The following FAM53A variants were observed in gnomAD, a reference collection of about 807,000 sequenced individuals.
The protein encoded by FAM53A is protein FAM53A.
Under a neutral mutation model 26.6 loss-of-function variants are expected in FAM53A, and 28 were observed. The ratio of observed to expected loss-of-function variants is 1.05; its 90% CI spans 0.78 to 1.45. The LOEUF (loss-of-function observed/expected upper bound fraction) is 1.45, where lower values mean the gene tolerates loss of function less well. Among genes scored for constraint, FAM53A ranks in the 40% most tolerant of loss-of-function variants. The pLI, the probability that FAM53A is intolerant of heterozygous loss-of-function variation, is 0.00. For missense variants in FAM53A, 650 were observed against 575.8 expected (o/e 1.13, Z -1.32); for synonymous variants, 290 against 253.1 (o/e 1.15, Z -1.38).
chr4:1,595,150 G>A, the FAM53A span, among the ~76,000 whole-genome samples: 15 of 152,340 alleles, frequency 9.8e-5, no homozygotes, highest in African/African-American at 2.6e-4. Context: ...CAGGGAAGCC[G>A]CAGCCACTGA....
At chr4:1,626,711 C>T (rs1461128683) in intron 1 of FAM53A, among the ~76,000 whole-genome samples, 1 of 151,828 alleles carries the variant, frequency 6.6e-6, no homozygotes, top group Non-Finnish European at 1.5e-5. Flanking sequence ...CTCTCAGCCA[C>T]AGTGATGTTT....
intron 1 of FAM53A, among the ~76,000 whole-genome samples, chr4:1,625,799 C>G (rs528803593): frequency 6.6e-6 from 1 of 151,274 alleles, no homozygotes; most frequent in Non-Finnish European, 1.5e-5. Flanking sequence ...GAAGGCCCCA[C>G]GTCCCGGCCC....
rs188575279 is a variant in FAM53A, at chr4:1,667,058, G to T, written c.75+1609C>A. Reference sequence around the variant, plus strand: ...CGGGAGAATTGCTTGAACCTGGGAGGTGGAGGTTGCAGTGAGCCGAGATTG... The same window carrying T: ...CGGGAGAATTGCTTGAACCTGGGAGTTGGAGGTTGCAGTGAGCCGAGATTG... On this transcript the variant is annotated intron_variant, in intron 2 of 4. Coordinates refer to ENST00000308132, the MANE Select transcript of FAM53A (RefSeq NM_001174070.3). 1.2e-4 allele frequency among the ~76,000 whole-genome samples: 19 copies of T among 152,044 alleles called. No homozygotes were observed. The East Asian group carries it at 3.3e-3, about 26-fold the overall frequency.
chr4:1,649,140 G>A lies in FAM53A; in HGVS notation c.882+5838C>T, dbSNP rs1025867179. Among the ~76,000 whole-genome samples the A allele has an allele frequency of 3.4e-3, 475 of 140,650 alleles. 5 individuals carry two copies. The highest frequency in any genetic ancestry group is 0.012 in the African/African-American group (454 of 38,200). The allele number at this position is 140,650 out of a possible 152,430, so 92.3% of individuals were successfully genotyped here. The stretch of plus-strand genomic sequence containing the variant: ...AAGGGAAGAGGAAGGGGAAGGGGAA[G>A]GGGAAAGGGAAGGGGAAAGGGAAGG... On this transcript the variant is annotated intron_variant, in intron 4 of 4. Coordinates refer to ENST00000308132, the MANE Select transcript of FAM53A (RefSeq NM_001174070.3).
chr4:1,623,532 T>A (rs1020445024), intron 1 of FAM53A, among the ~76,000 whole-genome samples: 1 of 152,166 alleles, frequency 6.6e-6, no homozygotes, highest in African/African-American at 2.4e-5. Context: ...GCTGCAGGGC[T>A]GCCCGCCTTC....
At chr4:1,593,680 C>G in the FAM53A span, among the ~76,000 whole-genome samples, 1 of 152,048 alleles carries the variant, frequency 6.6e-6, no homozygotes, top group African/African-American at 2.4e-5. Flanking sequence ...AATTGCAGAG[C>G]GGCTGCCGGG....
the FAM53A span, among the ~76,000 whole-genome samples, chr4:1,611,049 C>A: frequency 2.0e-5 from 3 of 152,226 alleles, no homozygotes; most frequent in East Asian, 5.8e-4. Context: ...TGCCTGGTGA[C>A]CTCCGGCAGA....
chr4:1,637,002 C>T (rs1002022985), downstream of FAM53A, among the ~76,000 whole-genome samples: 15 of 152,182 alleles, frequency 9.9e-5, 1 homozygote, highest in African/African-American at 2.9e-4. Context: ...CATGCGGCGG[C>T]GAGCACGAGA....
rs1340339004 is a variant in FAM53A, at chr4:1,655,286, C to T, written c.574G>A (p.Gly192Ser). The T allele has an allele frequency of 1.4e-6, 2 of 1,425,426 alleles. No homozygotes were observed. The highest frequency in any genetic ancestry group is 2.7e-5 in the East Asian group (1 of 36,500). The allele number at this position is 1,425,426 out of a possible 1,614,324, so 88.3% of individuals were successfully genotyped here. ...CCCTCGCTGCTGTCCACGAAGCCGCCGCTGGCGGAGGACGGCCGGGGCGTG... is the reference window on the plus strand; with the variant it reads ...CCCTCGCTGCTGTCCACGAAGCCGCTGCTGGCGGAGGACGGCCGGGGCGTG... ...PATPRPSSAS[G>S]GFVDSSEGSA... is the part of the protein sequence containing the mutation. The change falls in exon 4 of 5, where the codon GGC (glycine) becomes AGC (serine). Residue 192 changes from glycine (G) to serine (S), a missense_variant. Physicochemically the swap from Gly to Ser is moderately conservative, Grantham distance 56 (BLOSUM62 0). Transcript: ENST00000308132.
intron 4 of FAM53A, among the ~76,000 whole-genome samples, chr4:1,653,691 T>G (rs2108893907): frequency 6.6e-6 from 1 of 152,336 alleles, no homozygotes; most frequent in African/African-American, 2.4e-5. Flanking sequence ...CAGGGAAGTC[T>G]GGGTTTTCAA....
chr4:1,579,174 GC>G, the FAM53A span, among the ~76,000 whole-genome samples: 30 of 137,706 alleles, frequency 2.2e-4, no homozygotes, highest in Admixed American at 1.2e-3. Flanking sequence ...TCAGGCCCCT[GC>G]CCCCCCTGCC....
intron 1 of FAM53A, among the ~76,000 whole-genome samples, chr4:1,674,731 G>A (rs2109036698): frequency 6.6e-6 from 1 of 152,162 alleles, no homozygotes. Context: ...AGTCACATTT[G>A]CAAGTATTAG....
At chr4:1,578,394 C>G in the FAM53A span, among the ~76,000 whole-genome samples, 2 of 152,054 alleles carry the variant, frequency 1.3e-5, no homozygotes, top group African/African-American at 4.8e-5. Flanking sequence ...GCCGACCAGC[C>G]TTGGGGACAG....
chr4:1,664,039 C>T (rs1456191237), intron 2 of FAM53A, among the ~76,000 whole-genome samples: 1 of 152,166 alleles, frequency 6.6e-6, no homozygotes, highest in African/African-American at 2.4e-5. Flanking sequence ...CCTCAACACA[C>T]AAGCTCCAAG....
chr4:1,584,266 A>G, the FAM53A span, among the ~76,000 whole-genome samples: 8 of 152,334 alleles, frequency 5.3e-5, no homozygotes, highest in Non-Finnish European at 1.0e-4. Flanking sequence ...CAAGGTCACA[A>G]AGAAATTCCA....
chr4:1,641,332 G>C lies in FAM53A; in HGVS notation c.1158C>G (p.Ala386=). ...SVGEEGVFPR[A]RWELDLEQIE... ...TCTGCTCCAGGTCCAGCTCCCAGCGGGCCCGGGGGAAGACGCCCTCCTCCC... is the reference window on the plus strand; with the variant it reads ...TCTGCTCCAGGTCCAGCTCCCAGCGCGCCCGGGGGAAGACGCCCTCCTCCC... The change falls in exon 5 of 5, where the codon GCC becomes GCG. Residue 386 remains alanine, a synonymous_variant. Coordinates refer to ENST00000308132, the MANE Select transcript of FAM53A (RefSeq NM_001174070.3). 1 of 1,611,820 alleles carries C rather than the reference G, an allele frequency of 6.2e-7. No individual in the cohort carries two copies. Among genetic ancestry groups the C allele is most frequent in the Non-Finnish European group, 8.5e-7 (1 of 1,179,480 alleles).
At chr4:1,606,434 G>C in the FAM53A span, among the ~76,000 whole-genome samples, 39,031 of 151,660 alleles carry the variant, frequency 0.26, 5,357 homozygotes, top group East Asian at 0.49. Context: ...CGGGCTCCTC[G>C]CGGGACTGCT....
chr4:1,643,662 GCTCAAGCAATTCTCCCACCTCAGCCT>G (rs1275318722), intron 4 of FAM53A, among the ~76,000 whole-genome samples: 2 of 151,254 alleles, frequency 1.3e-5, no homozygotes, highest in Non-Finnish European at 2.9e-5. Flanking sequence ...GACCTCCCGG[GCTCAAGCAATTCTCCCACCTCAGCCT>G]CTCAAGTGGC....
At chr4:1,644,501 C>G (rs1003147519) in intron 4 of FAM53A, 17 of 966,888 alleles carry the variant, frequency 1.8e-5, no homozygotes, top group Admixed American at 5.9e-5. Flanking sequence ...GCTGTAGAGA[C>G]GGTGGAAACC....
Sources: gnomAD v4.1 joint callset for allele counts (sites outside exome capture counted in the v4.1 genomes callset) on GRCh38, gnomAD v4.1.1 for gene constraint, MANE v1.5 for transcripts, NCBI Gene and HGNC (gene_info 2026-07-23, HGNC 2026-07-21) for gene names.